The following SLC4A7 variants were observed in gnomAD, a reference collection of about 807,000 sequenced individuals.
SLC4A7 encodes solute carrier family 4 member 7, also known as sodium bicarbonate cotransporter 3.
A neutral mutation model predicts 137.6 loss-of-function variants in SLC4A7; 51 were observed. The ratio of observed to expected loss-of-function variants is 0.37; its 90% CI spans 0.30 to 0.47. The LOEUF (loss-of-function observed/expected upper bound fraction) is 0.47. Ranked by LOEUF, SLC4A7 falls within the 20% of genes least tolerant of loss-of-function variation. SLC4A7 has a pLI of 1.00. For synonymous variants in SLC4A7, 542 were observed against 518.6 expected (o/e 1.05, Z -0.61); for missense variants, 1,247 against 1,525.4 (o/e 0.82, Z 3.04).
intron 1 of SLC4A7, among the ~76,000 whole-genome samples, chr3:27,471,762 C>A (rs978663330): frequency 4.6e-5 from 7 of 152,192 alleles, no homozygotes; most frequent in Non-Finnish European, 7.3e-5. Flanking sequence ...CTGTGGTTCA[C>A]GCTAATTTGT....
intron 23 of SLC4A7, 21 bp from the exon 24 acceptor site, chr3:27,383,271 G>C (rs531820974): frequency 1.3e-6 from 2 of 1,494,504 alleles, no homozygotes; most frequent in Admixed American, 3.4e-5. Flanking sequence ...CATGTGTGAA[G>C]AGGTTACTTT....
At chr3:27,437,760 T>A (rs2056852917) in intron 3 of SLC4A7, among the ~76,000 whole-genome samples, 1 of 149,062 alleles carries the variant, frequency 6.7e-6, no homozygotes, top group Admixed American at 6.7e-5. Context: ...AAAATTATGT[T>A]GAAAATAAAC....
chr3:27,455,366 T>A (rs890432617), intron 1 of SLC4A7, among the ~76,000 whole-genome samples: 4 of 152,176 alleles, frequency 2.6e-5, no homozygotes, highest in Non-Finnish European at 5.9e-5. Context: ...CAAAATTTTA[T>A]TTCCACAGAC....
intron 1 of SLC4A7, among the ~76,000 whole-genome samples, chr3:27,473,293 T>C (rs1454170968): frequency 1.3e-5 from 2 of 151,926 alleles, no homozygotes; most frequent in African/African-American, 2.4e-5. Context: ...CTGTGCAACA[T>C]AGCAAGACCT....
At chr3:27,475,701 C>T (rs1228650265) in intron 1 of SLC4A7, among the ~76,000 whole-genome samples, 1 of 152,056 alleles carries the variant, frequency 6.6e-6, no homozygotes, top group Non-Finnish European at 1.5e-5. Context: ...AATCTTATCC[C>T]GAGGATACTG....
At chr3:27,423,841 A>G (rs1002260267) in intron 8 of SLC4A7, 196 bp downstream of exon 8, 3 of 500,946 alleles carry the variant, frequency 6.0e-6, no homozygotes, top group African/African-American at 6.0e-5. Flanking sequence ...AAGTTATTCA[A>G]GTACTCACAG....
At chr3:27,472,913 A>G (rs769905586) in intron 1 of SLC4A7, among the ~76,000 whole-genome samples, 4 of 152,086 alleles carry the variant, frequency 2.6e-5, no homozygotes, top group Non-Finnish European at 5.9e-5. Flanking sequence ...AACCTCAGCT[A>G]TACTAAAAAT....
chr3:27,456,158 T>C (rs1201313044), intron 1 of SLC4A7, among the ~76,000 whole-genome samples: 2 of 152,208 alleles, frequency 1.3e-5, no homozygotes, highest in Admixed American at 1.3e-4. Flanking sequence ...TAAAATATAG[T>C]GTCTAATATC....
At chr3:27,437,219 C>T (rs3732607) in intron 4 of SLC4A7, among the ~76,000 whole-genome samples, 169 bp downstream of exon 4, 32,109 of 151,762 alleles carry the variant, frequency 0.21, 3,490 homozygotes, top group Non-Finnish European at 0.25. Flanking sequence ...GGCGTGGTGG[C>T]GGGCGCCTGC....
chr3:27,380,453 T>C (rs975397334), intron 24 of SLC4A7, among the ~76,000 whole-genome samples: 3 of 152,208 alleles, frequency 2.0e-5, no homozygotes, highest in African/African-American at 7.2e-5. Context: ...GGCTCAAGAT[T>C]GTCCATCATA....
chr3:27,384,861 C>A lies in SLC4A7; in HGVS notation c.3492+1031G>T, dbSNP rs564863988. Among the ~76,000 whole-genome samples, 3 of 151,854 alleles carry A rather than the reference C, an allele frequency of 2.0e-5. No individual in the cohort carries two copies. The East Asian group carries it at 5.8e-4, about 30-fold the overall frequency. The stretch of plus-strand genomic sequence containing the variant: ...GCCTGTAATCCCAGCTAGCTTGGAC[C>A]CGGGAGGTTGAGGTGGTTGCAGTGA... On this transcript the variant is annotated intron_variant, in intron 23 of 25. Transcript: ENST00000454389.
chr3:27,421,280 A>T (rs1559721047), intron 9 of SLC4A7, among the ~76,000 whole-genome samples: 1 of 151,912 alleles, frequency 6.6e-6, no homozygotes, highest in East Asian at 2.0e-4. Flanking sequence ...CAGGCAGATC[A>T]CTTAAGTAGG....
At chr3:27,402,316 T>C (rs2052838262) in intron 15 of SLC4A7, among the ~76,000 whole-genome samples, 3 of 152,216 alleles carry the variant, frequency 2.0e-5, no homozygotes, top group Admixed American at 6.5e-5. Flanking sequence ...TCCTACTTTA[T>C]TCTAGAATTT....
intron 1 of SLC4A7, among the ~76,000 whole-genome samples, chr3:27,469,192 A>C (rs1276433182): frequency 1.3e-5 from 2 of 152,214 alleles, no homozygotes; most frequent in Non-Finnish European, 2.9e-5. Flanking sequence ...TCTCACAACA[A>C]TCATCACCGT....
chr3:27,420,225 G>T (rs1283982323), intron 10 of SLC4A7, among the ~76,000 whole-genome samples: 1 of 151,934 alleles, frequency 6.6e-6, no homozygotes, highest in Non-Finnish European at 1.5e-5. Flanking sequence ...CAGATATGGG[G>T]CATTTCAAAT....
chr3:27,460,678 T>C (rs2058651029), intron 1 of SLC4A7, among the ~76,000 whole-genome samples: 1 of 152,234 alleles, frequency 6.6e-6, no homozygotes, highest in Non-Finnish European at 1.5e-5. Context: ...TAAGAAGGCC[T>C]TGAGAAATAT....
At chr3:27,386,433 T>C (rs1271202203) in intron 22 of SLC4A7, among the ~76,000 whole-genome samples, 1 of 152,106 alleles carries the variant, frequency 6.6e-6, no homozygotes, top group African/African-American at 2.4e-5. Context: ...GGTTTTAACT[T>C]TTCAATCATA....
At chr3:27,385,751 G>A (rs963487280) in intron 23 of SLC4A7, 141 bp downstream of exon 23, 31 of 567,756 alleles carry the variant, frequency 5.5e-5, no homozygotes, top group Non-Finnish European at 8.1e-5. Flanking sequence ...GGAGATAACA[G>A]CAGTACCTAC....
At chr3:27,473,152 G>A (rs2059323239) in intron 1 of SLC4A7, among the ~76,000 whole-genome samples, 1 of 151,918 alleles carries the variant, frequency 6.6e-6, no homozygotes, top group Non-Finnish European at 1.5e-5. Context: ...TGATAAGCTG[G>A]GCATGGTGTG....
Sources: allele counts gnomAD v4.1 joint callset (sites outside exome capture counted in the v4.1 genomes callset), GRCh38; gene constraint gnomAD v4.1.1; transcripts MANE v1.5; gene names NCBI Gene and HGNC (gene_info 2026-07-23, HGNC 2026-07-21).